NEGR1: variants seen among roughly 807,000 people sequenced by gnomAD.
NEGR1 encodes the protein IgLON family member 4.
In NEGR1, 10 loss-of-function variants were observed where a neutral mutation model predicts 40.9. That is an observed-to-expected ratio of 0.24 (90% CI 0.15 to 0.42). NEGR1 has a LOEUF of 0.42. Ranked by LOEUF, NEGR1 falls within the 10% of genes least tolerant of loss-of-function variation. The probability of loss-of-function intolerance (pLI) is 1.00; values close to 1 mark genes in which losing one functional copy is unlikely to be tolerated. For missense variants in NEGR1, 352 were observed against 438.9 expected (o/e 0.80, Z 1.77); for synonymous variants, 185 against 166.8 (o/e 1.11, Z -0.84).
At chr1:71,656,075 C>T (rs1397528549) in intron 4 of NEGR1, among the ~76,000 whole-genome samples, 1 of 152,102 alleles carries the variant, frequency 6.6e-6, no homozygotes, top group Non-Finnish European at 1.5e-5. Context: ...ATGAAGCTTG[C>T]CCAACTTCAG....
intron 2 of NEGR1, among the ~76,000 whole-genome samples, chr1:71,779,854 C>T (rs546757891): frequency 3.1e-4 from 47 of 152,048 alleles, no homozygotes; most frequent in African/African-American, 1.1e-3. Flanking sequence ...CAGGAGTGAG[C>T]CACCACACCA....
Position 72,100,157 on chromosome 1 carries a change from G to T in NEGR1, c.177-164846C>A, listed in dbSNP as rs546471276. ...ATTTTCTGTTTCTGAAGAATAAAAA[G>T]ACAGACATAGAATTGTAGCTACCAC... On this transcript the variant is annotated intron_variant, in intron 1 of 6. Coordinates refer to ENST00000357731, the MANE Select transcript of NEGR1 (RefSeq NM_173808.3). 7.9e-5 allele frequency among the ~76,000 whole-genome samples: 12 copies of T among 152,194 alleles called. No individual in the cohort carries two copies. The East Asian group carries it at 2.3e-3, about 29-fold the overall frequency.
intron 1 of NEGR1, among the ~76,000 whole-genome samples, chr1:72,144,113 A>G (rs1210649798): frequency 6.6e-6 from 1 of 150,786 alleles, no homozygotes; most frequent in Non-Finnish European, 1.5e-5. Flanking sequence ...GCTTAATTGA[A>G]TAAGATTCCA....
At chr1:71,707,216 A>T (rs1653930907) in intron 3 of NEGR1, among the ~76,000 whole-genome samples, 1 of 152,054 alleles carries the variant, frequency 6.6e-6, no homozygotes, top group Admixed American at 6.6e-5. Context: ...TGATTCTAGG[A>T]GCTGACTCTT....
chr1:72,265,364 C>T (rs891978623), intron 1 of NEGR1, among the ~76,000 whole-genome samples: 3 of 150,894 alleles, frequency 2.0e-5, no homozygotes, highest in African/African-American at 7.3e-5. Flanking sequence ...TTCTATTAAT[C>T]TTTGAGTACA....
At chr1:72,214,780 T>A (rs1341649348) in intron 1 of NEGR1, among the ~76,000 whole-genome samples, 1 of 151,948 alleles carries the variant, frequency 6.6e-6, no homozygotes, top group East Asian at 1.9e-4. Context: ...ATGGCCATAC[T>A]GCCCAAAGTA....
At chr1:72,251,099 T>C (rs1655072414) in intron 1 of NEGR1, among the ~76,000 whole-genome samples, 2 of 152,126 alleles carry the variant, frequency 1.3e-5, no homozygotes, top group Admixed American at 1.3e-4. Flanking sequence ...AGAAAATGTG[T>C]GGGGAGAGTA....
intron 1 of NEGR1, among the ~76,000 whole-genome samples, chr1:72,264,231 A>C (rs1655563077): frequency 6.6e-6 from 1 of 151,374 alleles, no homozygotes; most frequent in East Asian, 1.9e-4. Flanking sequence ...TTTATTATTC[A>C]TAACAAAAAA....
intron 1 of NEGR1, among the ~76,000 whole-genome samples, chr1:71,993,490 AT>A (rs1646474136): frequency 6.6e-6 from 1 of 152,216 alleles, no homozygotes; most frequent in African/African-American, 2.4e-5. Flanking sequence ...CGTTAAAATA[AT>A]GGAAACTCTA....
At chr1:71,775,312 C>T (rs13374425) in intron 3 of NEGR1, among the ~76,000 whole-genome samples, 2 of 150,584 alleles carry the variant, frequency 1.3e-5, no homozygotes, top group Admixed American at 6.6e-5. Context: ...GACATAGGTT[C>T]TATTCTGGAC....
chr1:71,467,770 G>A (rs1262254055), intron 6 of NEGR1, among the ~76,000 whole-genome samples: 1 of 151,984 alleles, frequency 6.6e-6, no homozygotes, highest in Admixed American at 6.6e-5. Context: ...ATCTGGCATC[G>A]CAAATGAGCT....
chr1:71,655,744 T>G lies in NEGR1; in HGVS notation c.667+42264A>C, dbSNP rs556425344. ...CACAGAGTTCTATAGGTACTCAGAATCACAGTCTAGAAGATACTGAGAAGT... is the reference window on the plus strand; with the variant it reads ...CACAGAGTTCTATAGGTACTCAGAAGCACAGTCTAGAAGATACTGAGAAGT... On this transcript the variant is annotated intron_variant, in intron 4 of 6. Coordinates refer to ENST00000357731, the MANE Select transcript of NEGR1 (RefSeq NM_173808.3). 3.2e-4 allele frequency among the ~76,000 whole-genome samples: 49 copies of G among 152,254 alleles called. No homozygotes were observed. The South Asian group carries it at 1.0e-2, about 31-fold the overall frequency.
At chr1:71,844,417 T>C (rs1008698342) in intron 2 of NEGR1, among the ~76,000 whole-genome samples, 1 of 152,172 alleles carries the variant, frequency 6.6e-6, no homozygotes, top group Non-Finnish European at 1.5e-5. Context: ...GTTTTACTTA[T>C]GGTTTTAATG....
At chr1:71,446,103 T>C (rs560122975) in intron 6 of NEGR1, among the ~76,000 whole-genome samples, 1 of 152,226 alleles carries the variant, frequency 6.6e-6, no homozygotes, top group East Asian at 1.9e-4. Flanking sequence ...CTGTAGAGAG[T>C]TATGAGCATG....
intron 1 of NEGR1, among the ~76,000 whole-genome samples, chr1:72,255,765 G>A (rs544698553): frequency 6.0e-5 from 9 of 151,258 alleles, no homozygotes; most frequent in Non-Finnish European, 1.3e-4. Context: ...TGGCCAGGAT[G>A]GTCTCTATCT....
intron 1 of NEGR1, among the ~76,000 whole-genome samples, chr1:72,182,877 T>C (rs562089025): frequency 6.6e-6 from 1 of 151,822 alleles, no homozygotes; most frequent in Non-Finnish European, 1.5e-5. Flanking sequence ...GTTTGCTTTT[T>C]AGCAAGTTCT....
At chr1:71,877,019 T>C (rs1418998244) in intron 2 of NEGR1, among the ~76,000 whole-genome samples, 1 of 151,538 alleles carries the variant, frequency 6.6e-6, no homozygotes, top group Non-Finnish European at 1.5e-5. Context: ...ATAGTGTGGA[T>C]GGAAATAAAA....
At chr1:72,043,996 AAC>A (rs1646978803) in intron 1 of NEGR1, among the ~76,000 whole-genome samples, 1 of 151,856 alleles carries the variant, frequency 6.6e-6, no homozygotes, top group African/African-American at 2.4e-5. Context: ...CAATATTCAA[AAC>A]ACTATCTTAA....
At chr1:71,786,837 C>T (rs1012157965) in intron 2 of NEGR1, among the ~76,000 whole-genome samples, 1 of 152,204 alleles carries the variant, frequency 6.6e-6, no homozygotes, top group Non-Finnish European at 1.5e-5. Context: ...TGCTATTTGA[C>T]TTCCAAACTG....
Sources: gnomAD v4.1 joint callset for allele counts (sites outside exome capture counted in the v4.1 genomes callset) on GRCh38, gnomAD v4.1.1 for gene constraint, MANE v1.5 for transcripts, NCBI Gene and HGNC (gene_info 2026-07-23, HGNC 2026-07-21) for gene names.